The following LVRN variants were observed in gnomAD, a reference collection of about 807,000 sequenced individuals.
The protein encoded by LVRN is laeverin, also known as aminopeptidase Q.
In LVRN, 99 loss-of-function variants were observed where a neutral mutation model predicts 111.4. That is an observed-to-expected ratio of 0.89 (90% CI 0.76 to 1.05). The LOEUF is 1.05. Ranked by LOEUF, LVRN falls within the 50% of genes least tolerant of loss-of-function variation. The pLI is 0.00. For missense variants in LVRN, 1,414 were observed against 1,206.8 expected, an observed-to-expected ratio of 1.17 and a Z score of -2.54; for synonymous variants, 488 against 449.5, an observed-to-expected ratio of 1.09 and a Z score of -1.08.
intron 13 of LVRN, among the ~76,000 whole-genome samples, chr5:116,008,868 T>C (rs1464151366): frequency 6.6e-6 from 1 of 152,194 alleles, no homozygotes; most frequent in Non-Finnish European, 1.5e-5. Flanking sequence ...ACAGCAAATG[T>C]TGATGTAGAA....
At position 115,987,890 on chromosome 5, in the gene LVRN, C is replaced by G. The variant is rs760218481; in HGVS notation, c.1056C>G (p.Phe352Leu). 72 of 1,613,278 alleles carry G rather than the reference C, an allele frequency of 4.5e-5. No individual in the cohort carries two copies. The Admixed American group carries it at 8.5e-4, about 19-fold the overall frequency. The change falls in exon 4 of 20, where the codon TTC becomes TTG. Residue 352 changes from phenylalanine to leucine, a missense_variant. Physicochemically the swap from Phe to Leu is conservative, Grantham distance 22 (BLOSUM62 0). Transcript: ENST00000357872. ...CTTTGAACATCACAGGTCCCATCTTCTCTTTTCTGGAGGATTTGTTTAATA... is the reference window on the plus strand; with the variant it reads ...CTTTGAACATCACAGGTCCCATCTTGTCTTTTCTGGAGGATTTGTTTAATA... ...DFALNITGPI[F>L]SFLEDLFNIS...
rs1748230950 is a variant in LVRN, at chr5:116,001,204, T to C, written c.1785T>C (p.Leu595=). 1.9e-6 allele frequency: 3 copies of C among 1,613,776 alleles called. No individual in the cohort carries two copies. In the South Asian group the frequency reaches 3.3e-5, roughly 18 times the overall value. Residue 595 remains leucine, a synonymous_variant, in exon 10 of 20, where the codon CTT becomes CTC. Coordinates refer to ENST00000357872, the MANE Select transcript of LVRN (RefSeq NM_173800.5). ...TGVMKQEPFY[L]ENIKNRTLLT... is the part of the protein sequence containing the mutation. Reference sequence around the variant, plus strand: ...TCATGAAACAGGAGCCATTTTATCTTGAAAACATTAAAAATCGGACTCTTC... The same window carrying C: ...TCATGAAACAGGAGCCATTTTATCTCGAAAACATTAAAAATCGGACTCTTC...
intron 13 of LVRN, 79 bp downstream of exon 13, chr5:116,006,046 T>C: frequency 3.3e-6 from 4 of 1,212,762 alleles, no homozygotes; most frequent in Non-Finnish European, 4.8e-6. Flanking sequence ...TCACTATGAA[T>C]TTGATTATTT....
chr5:115,989,196 C>T (rs1005839709), intron 4 of LVRN, among the ~76,000 whole-genome samples: 2 of 152,130 alleles, frequency 1.3e-5, no homozygotes, highest in South Asian at 4.1e-4. Context: ...TGTGACCTCC[C>T]ATTTCCCTGA....
intron 4 of LVRN, among the ~76,000 whole-genome samples, chr5:115,988,296 C>A (rs144588174): frequency 6.6e-6 from 1 of 151,420 alleles, no homozygotes; most frequent in Non-Finnish European, 1.5e-5. Context: ...CTTTAGCTAG[C>A]GGGCTTTCAG....
intron 18 of LVRN, among the ~76,000 whole-genome samples, chr5:116,020,725 T>C (rs1748709284): frequency 6.6e-6 from 1 of 152,190 alleles, no homozygotes; most frequent in Non-Finnish European, 1.5e-5. Flanking sequence ...TGCCTTGGTG[T>C]TCCCATGCTG....
intron 1 of LVRN, among the ~76,000 whole-genome samples, chr5:115,973,888 A>G (rs1580377152): frequency 6.6e-6 from 1 of 152,126 alleles, no homozygotes; most frequent in Admixed American, 6.5e-5. Flanking sequence ...CTAATATTCA[A>G]TAAGTTTATT....
intron 1 of LVRN, chr5:115,974,936 C>G: frequency 2.2e-6 from 1 of 463,150 alleles, no homozygotes; most frequent in Non-Finnish European, 4.3e-6. Context: ...TATTAGGTCA[C>G]TTGATAAATG....
At chr5:116,024,340 A>G (rs1439194390) in intron 19 of LVRN, among the ~76,000 whole-genome samples, 2 of 152,180 alleles carry the variant, frequency 1.3e-5, no homozygotes, top group African/African-American at 2.4e-5. Context: ...CTAGGCAAAT[A>G]AACAAATACA....
chr5:116,006,037 C>A, intron 13 of LVRN, 70 bp downstream of exon 13: 1 of 1,278,254 alleles, frequency 7.8e-7, no homozygotes, highest in Non-Finnish European at 1.1e-6. Flanking sequence ...ATAGCTTCAT[C>A]ACTATGAATT....
chr5:115,974,598 A>G (rs547801879), intron 1 of LVRN: 1 of 152,968 alleles, frequency 6.5e-6, no homozygotes, highest in Non-Finnish European at 1.5e-5. Flanking sequence ...CATTGATGCA[A>G]ACTCCTTTGG....
chr5:115,965,883 T>C (rs1352308102), intron 1 of LVRN, among the ~76,000 whole-genome samples: 2 of 152,192 alleles, frequency 1.3e-5, no homozygotes, highest in Admixed American at 6.5e-5. Context: ...CTCCTTTTCT[T>C]TATAAATTAC....
chr5:116,020,624 G>A (rs1748706925), intron 18 of LVRN, among the ~76,000 whole-genome samples: 2 of 152,152 alleles, frequency 1.3e-5, no homozygotes, highest in Admixed American at 6.5e-5. Context: ...AGCCAAAAAG[G>A]CTAAACAGGA....
intron 18 of LVRN, among the ~76,000 whole-genome samples, chr5:116,018,619 C>T (rs1171514113): frequency 6.6e-6 from 1 of 151,988 alleles, no homozygotes; most frequent in Non-Finnish European, 1.5e-5. Flanking sequence ...TTGCAGTGAG[C>T]CGAGATCACA....
chr5:115,963,639 A>G (rs1753140511), intron 1 of LVRN, among the ~76,000 whole-genome samples: 1 of 152,158 alleles, frequency 6.6e-6, no homozygotes, highest in Non-Finnish European at 1.5e-5. Flanking sequence ...GTTCTCACCC[A>G]TAGGTAGGAA....
In LVRN at chr5:116,026,045, C is replaced by A; in HGVS notation, c.2900C>A (p.Thr967Lys). The change falls in exon 20 of 20, where the codon ACA (threonine) becomes AAA (lysine). Residue 967 changes from threonine (T) to lysine (K), a missense_variant. Physicochemically the swap from Thr to Lys is moderately conservative, Grantham distance 78. Coordinates refer to ENST00000357872, the MANE Select transcript of LVRN (RefSeq NM_173800.5). ...ATCAGAGTTCATGCCAACTTACAGA[C>A]AATAAAGAATGAAAATCTGAAAAAC... is the stretch of plus-strand genomic sequence containing the variant. ...QRIRVHANLQ[T>K]IKNENLKNKK... is the part of the protein sequence containing the mutation. 6.2e-7 allele frequency: 1 copy of A among 1,613,834 alleles called. No individual in the cohort carries two copies. Among genetic ancestry groups the A allele is most frequent in the African/African-American group, 1.3e-5 (1 of 74,994 alleles).
chr5:115,969,706 A>C (rs1362184351), intron 1 of LVRN, among the ~76,000 whole-genome samples: 1 of 151,476 alleles, frequency 6.6e-6, no homozygotes, highest in Non-Finnish European at 1.5e-5. Flanking sequence ...AGGCTGAGGC[A>C]GAAGAATCGC....
rs746397122 is a variant in LVRN at position 116,000,437 on chromosome 5, C to T, written c.1520C>T (p.Ala507Val). Reference protein sequence around the residue: ...LFDIFTYSKGASMARMLSCFL... With the variant: ...LFDIFTYSKGVSMARMLSCFL... ...GGACAGCTTCTTTTGTCCTAGGGAG[C>T]GTCTATGGCCCGGATGCTTTCTTGT... Residue 507 changes from alanine to valine, a missense_variant, in exon 8 of 20, where the codon GCG becomes GTG. Physicochemically the swap from Ala to Val is moderately conservative, Grantham distance 64 (BLOSUM62 0). Coordinates refer to ENST00000357872, the MANE Select transcript of LVRN (RefSeq NM_173800.5). 2.1e-5 allele frequency: 34 copies of T among 1,613,912 alleles called. No homozygotes were observed. The highest frequency in any genetic ancestry group is 6.7e-5 in the East Asian group (3 of 44,886).
Position 116,000,359 on chromosome 5 carries a change from C to T in LVRN, c.1516-74C>T, listed in dbSNP as rs147831511. On this transcript the variant is annotated intron_variant, in intron 7 of 19. Transcript: ENST00000357872. ...ATCAGGAGCACAGCTCAGAATATTG[C>T]TTATAAATATGGAATGTGTCAGTAT... 9,215 of 1,556,374 alleles carry T rather than the reference C, an allele frequency of 5.9e-3. 39 individuals are homozygous for T. The highest frequency in any genetic ancestry group is 8.4e-3 in the Middle Eastern group (50 of 5,952).
Sources: allele counts gnomAD v4.1 joint callset (sites outside exome capture counted in the v4.1 genomes callset), GRCh38; gene constraint gnomAD v4.1.1; transcripts MANE v1.5; gene names NCBI Gene and HGNC (gene_info 2026-07-23, HGNC 2026-07-21).